RABL3: variants seen among roughly 807,000 people sequenced by gnomAD.
RABL3 encodes RAB, member of RAS oncogene family like 3, also known as rab-like protein 3.
Under a neutral mutation model 31.8 loss-of-function variants are expected in RABL3, and 31 were observed. The observed-to-expected ratio is 0.97, with a 90% CI of 0.73 to 1.31. RABL3 has a LOEUF of 1.31. Ranked by LOEUF, RABL3 falls within the 40% of genes most tolerant of loss-of-function variation. The pLI is 0.00. For missense variants in RABL3, 263 were observed against 279.6 expected, an observed-to-expected ratio of 0.94 and a Z score of 0.42; for synonymous variants, 97 against 99.9, an observed-to-expected ratio of 0.97 and a Z score of 0.18.
At chr3:120,729,974 A>C (rs60518978) in intron 2 of RABL3, among the ~76,000 whole-genome samples, 2,662 of 152,300 alleles carry the variant, frequency 0.017, 84 homozygotes, top group African/African-American at 0.061. Context: ...TTAAAAAAAA[A>C]CACAAAAAAT....
chr3:120,706,827 T>G (rs1016432260), intron 3 of RABL3, among the ~76,000 whole-genome samples: 5 of 152,108 alleles, frequency 3.3e-5, no homozygotes, highest in Admixed American at 1.3e-4. Flanking sequence ...AGAAAGTACA[T>G]GCACGGATTT....
chr3:120,721,430 C>A (rs1708739505), intron 2 of RABL3, among the ~76,000 whole-genome samples: 4 of 152,074 alleles, frequency 2.6e-5, no homozygotes, highest in Admixed American at 6.6e-5. Flanking sequence ...ATTCAGGAAA[C>A]CCATCTCATG....
intron 2 of RABL3, among the ~76,000 whole-genome samples, chr3:120,710,958 C>T (rs1708606560): frequency 6.6e-6 from 1 of 152,104 alleles, no homozygotes; most frequent in Admixed American, 6.6e-5. Flanking sequence ...ATGAACTATT[C>T]CTTGTCAAGG....
chr3:120,702,452 T>C (rs906065475), intron 4 of RABL3, among the ~76,000 whole-genome samples: 1 of 152,104 alleles, frequency 6.6e-6, no homozygotes, highest in African/African-American at 2.4e-5. Context: ...CAGATGGTAA[T>C]GCTCACTCAC....
chr3:120,693,917 A>C (rs1708407467), intron 6 of RABL3, among the ~76,000 whole-genome samples: 1 of 152,132 alleles, frequency 6.6e-6, no homozygotes, highest in Non-Finnish European at 1.5e-5. Context: ...ATCTTTTTAA[A>C]ACCCCCATTT....
At chr3:120,727,121 A>T (rs989921660) in intron 2 of RABL3, among the ~76,000 whole-genome samples, 8 of 152,140 alleles carry the variant, frequency 5.3e-5, no homozygotes, top group African/African-American at 1.9e-4. Context: ...AGTTAGAAAG[A>T]AGACACTAAA....
At chr3:120,742,253 G>A (rs1202974552) in intron 1 of RABL3, among the ~76,000 whole-genome samples, 1 of 151,708 alleles carries the variant, frequency 6.6e-6, no homozygotes, top group Non-Finnish European at 1.5e-5. Context: ...CAAAAGACCC[G>A]GGCTCCGCGA....
At chr3:120,709,610 T>A (rs1348108900) in intron 3 of RABL3, among the ~76,000 whole-genome samples, 170 bp downstream of exon 3, 1 of 152,070 alleles carries the variant, frequency 6.6e-6, no homozygotes, top group East Asian at 1.9e-4. Flanking sequence ...ATTAGATGGT[T>A]ACAATGTAGA....
intron 4 of RABL3, among the ~76,000 whole-genome samples, chr3:120,703,639 A>G (rs998284338): frequency 6.6e-6 from 1 of 152,132 alleles, no homozygotes; most frequent in Admixed American, 6.5e-5. Flanking sequence ...CTTCTTTGGA[A>G]AAAAATCAAT....
intron 2 of RABL3, among the ~76,000 whole-genome samples, chr3:120,725,717 T>A (rs551472137): frequency 6.6e-6 from 1 of 152,106 alleles, no homozygotes; most frequent in African/African-American, 2.4e-5. Flanking sequence ...AAACACCACA[T>A]GTTCTCACTC....
chr3:120,742,663 G>C, upstream of RABL3: 1 of 722,250 alleles, frequency 1.4e-6, no homozygotes, highest in Non-Finnish European at 2.4e-6. Flanking sequence ...CTGGTAAAAG[G>C]TAGCGGGGTG....
intron 1 of RABL3, among the ~76,000 whole-genome samples, chr3:120,733,479 A>G (rs932252645): frequency 2.6e-5 from 4 of 152,066 alleles, no homozygotes; most frequent in African/African-American, 9.7e-5. Context: ...AGATGAGTAG[A>G]TTGCAAACAT....
chr3:120,729,057 T>C (rs1244695498), intron 2 of RABL3, among the ~76,000 whole-genome samples: 1 of 152,122 alleles, frequency 6.6e-6, no homozygotes, highest in Admixed American at 6.6e-5. Context: ...AGATGCCTTT[T>C]TGAAATCCGG....
At chr3:120,703,766 AAATACTATAAAC>A (rs1708520076) in intron 4 of RABL3, among the ~76,000 whole-genome samples, 1 of 152,180 alleles carries the variant, frequency 6.6e-6, no homozygotes, top group African/African-American at 2.4e-5. Context: ...GACAATAAAC[AAATACTATAAAC>A]AACTCTATTG....
chr3:120,714,566 A>T (rs1384238211), intron 2 of RABL3, among the ~76,000 whole-genome samples: 1 of 152,042 alleles, frequency 6.6e-6, no homozygotes, highest in Non-Finnish European at 1.5e-5. Context: ...TCACTCTTTT[A>T]TTTAACGTCT....
At chr3:120,723,426 G>GA (rs1201191218) in intron 2 of RABL3, among the ~76,000 whole-genome samples, 1 of 152,156 alleles carries the variant, frequency 6.6e-6, no homozygotes, top group African/African-American at 2.4e-5. Flanking sequence ...GAAAAAGGGG[G>GA]AATCCTCCCT....
intron 4 of RABL3, among the ~76,000 whole-genome samples, chr3:120,699,369 A>T (rs555774978): frequency 8.5e-4 from 129 of 152,306 alleles, no homozygotes; most frequent in African/African-American, 2.7e-3. Context: ...CTTATTTTTT[A>T]AAAAATTTAT....
chr3:120,723,535 T>C (rs1477729104), intron 2 of RABL3, among the ~76,000 whole-genome samples: 5 of 152,120 alleles, frequency 3.3e-5, no homozygotes, highest in Non-Finnish European at 7.3e-5. Flanking sequence ...GGAACAGCAA[T>C]GCAAAAATCC....
intron 1 of RABL3, among the ~76,000 whole-genome samples, chr3:120,741,456 G>C (rs1299685642): frequency 1.3e-5 from 2 of 152,146 alleles, no homozygotes; most frequent in Admixed American, 1.3e-4. Flanking sequence ...CAAGCATCTA[G>C]CACAACGTCT....
Sources: allele counts gnomAD v4.1 joint callset (sites outside exome capture counted in the v4.1 genomes callset), GRCh38; gene constraint gnomAD v4.1.1; transcripts MANE v1.5; gene names NCBI Gene and HGNC (gene_info 2026-07-23, HGNC 2026-07-21).